Variants in KLF12 observed in about 807,000 individuals in gnomAD.
KLF12 encodes Krueppel-like factor 12.
KLF12 carries 9 observed loss-of-function variants against 37.8 expected under a neutral mutation model. That is an observed-to-expected ratio of 0.24 (90% confidence interval 0.14 to 0.42). KLF12 has a LOEUF of 0.42. Among genes scored for constraint, KLF12 ranks in the 10% least tolerant of loss-of-function variants. The pLI is 1.00. For missense variants in KLF12, 411 were observed against 516.0 expected (o/e 0.80, Z 1.97); for synonymous variants, 208 against 202.1 (o/e 1.03, Z -0.25).
chr13:73,807,801 C>T (rs1882725280), intron 5 of KLF12, among the ~76,000 whole-genome samples: 1 of 152,196 alleles, frequency 6.6e-6, no homozygotes, highest in African/African-American at 2.4e-5. Context: ...CCTTTCACCC[C>T]ACTCTTCCTC....
rs915537521 is a variant in KLF12, at chr13:73,689,687, A to G, written c.*5803T>C. 6.6e-6 allele frequency: 1 copy of G among 152,188 alleles called. No homozygotes were observed. Among genetic ancestry groups the G allele is most frequent in the Admixed American group, 6.6e-5 (1 of 15,264 alleles). 9.4% of individuals were successfully genotyped at this position (152,188 alleles called of 1,614,324 possible). On this transcript the variant is annotated 3_prime_UTR_variant, in exon 8 of 8. Coordinates refer to ENST00000377669, the MANE Select transcript of KLF12 (RefSeq NM_007249.5). Reference sequence around the variant, plus strand: ...TTTTTGGGGAGAAATGATTCTGTCAATATTCATTCCAAAATGATTCTTAAG... The same window carrying G: ...TTTTTGGGGAGAAATGATTCTGTCAGTATTCATTCCAAAATGATTCTTAAG...
At chr13:73,932,036 A>C (rs979137285) in intron 3 of KLF12, among the ~76,000 whole-genome samples, 1 of 147,094 alleles carries the variant, frequency 6.8e-6, no homozygotes, top group Non-Finnish European at 1.5e-5. Flanking sequence ...TTAAAAAAAA[A>C]AAGAAAAGAA....
chr13:73,838,059 C>A (rs9573312), intron 4 of KLF12, among the ~76,000 whole-genome samples: 37,863 of 152,026 alleles, frequency 0.25, 4,938 homozygotes, highest in East Asian at 0.49. Context: ...CAAGTGAGAA[C>A]GCTGGCGACA....
At chr13:73,903,399 T>C (rs1273853202) in intron 3 of KLF12, among the ~76,000 whole-genome samples, 1 of 152,084 alleles carries the variant, frequency 6.6e-6, no homozygotes, top group Non-Finnish European at 1.5e-5. Context: ...TAAAAGGGAA[T>C]GACAAATTTG....
At chr13:73,757,272 T>C (rs1016149227) in intron 6 of KLF12, among the ~76,000 whole-genome samples, 13 of 152,198 alleles carry the variant, frequency 8.5e-5, no homozygotes, top group African/African-American at 3.1e-4. Flanking sequence ...TGAGGGCTTA[T>C]GTAAAACAGC....
At position 73,971,049 on chromosome 13, in the gene KLF12, A is replaced by G. The variant is rs181986957; in HGVS notation, c.33+23941T>C. 1.4e-3 allele frequency among the ~76,000 whole-genome samples: 211 copies of G among 152,334 alleles called. 1 individual carries two copies. Among genetic ancestry groups the G allele is most frequent in the African/African-American group, 4.6e-3 (190 of 41,580 alleles). On this transcript the variant is annotated intron_variant, in intron 2 of 7. Coordinates refer to ENST00000377669, the MANE Select transcript of KLF12 (RefSeq NM_007249.5). The stretch of plus-strand genomic sequence containing the variant: ...CAAAGTTAAATTTTTATGGATTTTT[A>G]AGTGTTAAAATATTGTAAGCACCCA...
chr13:74,301,177 A>C, the KLF12 span, among the ~76,000 whole-genome samples: 1 of 152,198 alleles, frequency 6.6e-6, no homozygotes, highest in African/African-American at 2.4e-5. Flanking sequence ...GGAACAGTAC[A>C]TCTAGAACAG....
chr13:74,096,031 C>T (rs369834151), intron 1 of KLF12, among the ~76,000 whole-genome samples: 1 of 152,210 alleles, frequency 6.6e-6, no homozygotes, highest in African/African-American at 2.4e-5. Flanking sequence ...CATAAGTTAG[C>T]TGGTTTGGTC....
At chr13:73,773,789 C>T (rs960286752) in intron 5 of KLF12, among the ~76,000 whole-genome samples, 1 of 152,146 alleles carries the variant, frequency 6.6e-6, no homozygotes, top group African/African-American at 2.4e-5. Flanking sequence ...CTTCATGATG[C>T]TACAACATCC....
chr13:74,112,815 G>T (rs780506204), intron 1 of KLF12, among the ~76,000 whole-genome samples: 2 of 152,172 alleles, frequency 1.3e-5, no homozygotes, highest in Admixed American at 1.3e-4. Context: ...ATCAACACTA[G>T]AAATGAGTAA....
intron 3 of KLF12, among the ~76,000 whole-genome samples, chr13:73,930,077 T>C (rs1030775677): frequency 5.3e-5 from 8 of 152,182 alleles, no homozygotes; most frequent in Admixed American, 2.0e-4. Flanking sequence ...TCAGATTATA[T>C]AGGTGCAACT....
intron 1 of KLF12, among the ~76,000 whole-genome samples, chr13:74,110,381 AC>A (rs1237580565): frequency 6.6e-6 from 1 of 152,208 alleles, no homozygotes; most frequent in Non-Finnish European, 1.5e-5. Flanking sequence ...TCCCTCTGCT[AC>A]AAGAATTACA....
chr13:74,292,641 T>C, the KLF12 span, among the ~76,000 whole-genome samples: 1 of 152,128 alleles, frequency 6.6e-6, no homozygotes, highest in South Asian at 2.1e-4. Context: ...AGGACTTTAC[T>C]TTGCAGCTCC....
At chr13:73,835,817 C>A (rs1594149299) in intron 4 of KLF12, among the ~76,000 whole-genome samples, 1 of 152,190 alleles carries the variant, frequency 6.6e-6, no homozygotes, top group African/African-American at 2.4e-5. Flanking sequence ...TTTCAACCTA[C>A]TCCATTCTAT....
intron 6 of KLF12, among the ~76,000 whole-genome samples, chr13:73,730,118 A>G (rs185599519): frequency 6.6e-6 from 1 of 152,204 alleles, no homozygotes; most frequent in East Asian, 1.9e-4. Flanking sequence ...CTCTCTCCAA[A>G]GACAGATGCC....
chr13:74,250,425 A>C, the KLF12 span, among the ~76,000 whole-genome samples: 5 of 152,298 alleles, frequency 3.3e-5, no homozygotes, highest in Admixed American at 2.6e-4. Context: ...GAAAGGAGAA[A>C]TGTGTGGAGA....
intron 4 of KLF12, among the ~76,000 whole-genome samples, chr13:73,842,113 T>TA (rs1884768586): frequency 6.6e-6 from 1 of 152,080 alleles, no homozygotes; most frequent in Non-Finnish European, 1.5e-5. Flanking sequence ...GAAGGAGTTT[T>TA]AAAAAAATCT....
At chr13:74,086,856 G>C (rs1444715000) in intron 1 of KLF12, among the ~76,000 whole-genome samples, 1 of 152,048 alleles carries the variant, frequency 6.6e-6, no homozygotes, top group Non-Finnish European at 1.5e-5. Flanking sequence ...GTAAGCTAGA[G>C]AAAATAAAAT....
At chr13:74,236,766 T>C in the KLF12 span, among the ~76,000 whole-genome samples, 1 of 122,128 alleles carries the variant, frequency 8.2e-6, no homozygotes, top group African/African-American at 4.6e-5. Flanking sequence ...TCTATTCATG[T>C]CCTTCGCCCA....
Sources: gnomAD v4.1 joint callset for allele counts (sites outside exome capture counted in the v4.1 genomes callset) on GRCh38, gnomAD v4.1.1 for gene constraint, MANE v1.5 for transcripts, NCBI Gene and HGNC (gene_info 2026-07-23, HGNC 2026-07-21) for gene names.